The following LAMC1 variants were observed in gnomAD, a reference collection of about 807,000 sequenced individuals.
LAMC1 encodes laminin subunit gamma 1.
In LAMC1, 38 loss-of-function variants were observed where a neutral mutation model predicts 173.6. The observed-to-expected ratio is 0.22, with a 90% CI of 0.17 to 0.29. The LOEUF (loss-of-function observed/expected upper bound fraction) is 0.29, where lower values mean the gene tolerates loss of function less well. LAMC1 is among the 10% of genes least tolerant of loss of function. The pLI is 1.00. For missense variants in LAMC1, 1,824 were observed against 2,051.8 expected (o/e 0.89, Z 2.14); for synonymous variants, 746 against 749.1 (o/e 1.00, Z 0.07).
intron 1 of LAMC1, among the ~76,000 whole-genome samples, chr1:183,041,838 C>T (rs1374426827): frequency 6.6e-6 from 1 of 152,088 alleles, no homozygotes; most frequent in Non-Finnish European, 1.5e-5. Context: ...AGTAGGGGTT[C>T]AAAAAAGTTT....
In LAMC1 at chr1:183,061,543, A is replaced by T. The variant is rs561231450; in HGVS notation, c.418+37409A>T. 1.8e-4 allele frequency among the ~76,000 whole-genome samples: 28 copies of T among 152,268 alleles called. No individual in the cohort carries two copies. The South Asian group carries it at 5.8e-3, about 32-fold the overall frequency. On this transcript the variant is annotated intron_variant, in intron 1 of 27. Coordinates refer to ENST00000258341, the MANE Select transcript of LAMC1 (RefSeq NM_002293.4). Reference sequence around the variant, plus strand: ...TTGATAGTGCTTTTTGGAAAACAACATCTATATCTTTTTTTCTTTTTTAAA... The same window carrying T: ...TTGATAGTGCTTTTTGGAAAACAACTTCTATATCTTTTTTTCTTTTTTAAA...
chr1:183,128,480 AAAAAAG>A, intron 17 of LAMC1, 108 bp from the exon 18 acceptor site: 1 of 751,336 alleles, frequency 1.3e-6, no homozygotes, highest in Non-Finnish European at 2.0e-6. Context: ...TAAAAAAAAA[AAAAAAG>A]AACTACATAT....
At position 183,124,767 on chromosome 1, in the gene LAMC1, G is replaced by C; in HGVS notation, c.2538G>C (p.Thr846=). 6.2e-7 allele frequency: 1 copy of C among 1,614,156 alleles called. No individual in the cohort carries two copies. The highest frequency in any genetic ancestry group is 8.5e-7 in the Non-Finnish European group (1 of 1,180,014). Residue 846 remains threonine, a synonymous_variant, in exon 14 of 28, where the codon ACG becomes ACC. Coordinates refer to ENST00000258341, the MANE Select transcript of LAMC1 (RefSeq NM_002293.4). ...CAGTTGGAAATTGCAATCGCTTGAC[G>C]GGAGAATGCCTGAAGTGCATCTATA... ...PNAVGNCNRL[T]GECLKCIYNT...
chr1:183,063,949 A>G (rs1241813424), intron 1 of LAMC1, among the ~76,000 whole-genome samples: 4 of 152,190 alleles, frequency 2.6e-5, no homozygotes, highest in African/African-American at 9.6e-5. Flanking sequence ...CTGTGTTATG[A>G]TAATTTACTT....
At chr1:183,109,614 C>T (rs1051453804) in intron 3 of LAMC1, among the ~76,000 whole-genome samples, 2 of 152,128 alleles carry the variant, frequency 1.3e-5, no homozygotes, top group African/African-American at 4.8e-5. Flanking sequence ...AGGATAAGAG[C>T]TTGAGAGAAG....
intron 1 of LAMC1, among the ~76,000 whole-genome samples, chr1:183,029,195 T>C (rs1653779767): frequency 1.3e-5 from 2 of 152,232 alleles, no homozygotes; most frequent in South Asian, 2.1e-4. Context: ...CAATCGTTAC[T>C]ATAATCTGTC....
At chr1:183,049,257 A>G (rs1176495854) in intron 1 of LAMC1, among the ~76,000 whole-genome samples, 4 of 152,192 alleles carry the variant, frequency 2.6e-5, no homozygotes, top group Non-Finnish European at 2.9e-5. Context: ...TAGAGAAGAC[A>G]TACAGAAATG....
Position 183,102,910 on chromosome 1 carries a change from T to A in LAMC1, c.419-418T>A, listed in dbSNP as rs191780809. On this transcript the variant is annotated intron_variant, in intron 1 of 27. Transcript: ENST00000258341. ...CAGTTAATAGAGAATGAGGTTTTTTTAAAGTCTTAAAGGGCCTGGAGACCC... is the reference window on the plus strand; with the variant it reads ...CAGTTAATAGAGAATGAGGTTTTTTAAAAGTCTTAAAGGGCCTGGAGACCC... 4.9e-3 allele frequency among the ~76,000 whole-genome samples: 741 copies of A among 152,358 alleles called. 3 individuals carry two copies. The highest frequency in any genetic ancestry group is 0.034 in the East Asian group (177 of 5,186).
chr1:183,092,220 A>C (rs1655583037), intron 1 of LAMC1, among the ~76,000 whole-genome samples: 1 of 152,240 alleles, frequency 6.6e-6, no homozygotes, highest in African/African-American at 2.4e-5. Flanking sequence ...CATGAAAATC[A>C]GAAGAGCTTA....
chr1:183,081,189 G>A (rs1353626462), intron 1 of LAMC1, among the ~76,000 whole-genome samples: 1 of 152,114 alleles, frequency 6.6e-6, no homozygotes, highest in South Asian at 2.1e-4. Context: ...CGCCCGGCCT[G>A]TTCTCAGGTT....
At chr1:183,115,476 A>T in intron 5 of LAMC1, 44 bp from the exon 6 acceptor site, 2 of 1,301,804 alleles carry the variant, frequency 1.5e-6, no homozygotes, top group African/African-American at 1.5e-5. Context: ...TTACTTACGT[A>T]TCTGGCCGAA....
intron 1 of LAMC1, among the ~76,000 whole-genome samples, chr1:183,026,460 A>G (rs1653689889): frequency 6.6e-6 from 1 of 152,114 alleles, no homozygotes; most frequent in South Asian, 2.1e-4. Flanking sequence ...TCGATCAACA[A>G]TTTATGACAA....
intron 1 of LAMC1, chr1:183,096,521 A>G (rs1011814679): frequency 1.9e-4 from 29 of 152,228 alleles, no homozygotes; most frequent in Admixed American, 1.6e-3. Flanking sequence ...GTTATTAACA[A>G]TGGCCCAAGT....
chr1:183,039,145 G>T (rs1435264211), intron 1 of LAMC1, among the ~76,000 whole-genome samples: 2 of 151,662 alleles, frequency 1.3e-5, no homozygotes, highest in Non-Finnish European at 2.9e-5. Context: ...TAAGTTTAAA[G>T]AATTTTTTCT....
At chr1:183,058,276 A>G (rs539436980) in intron 1 of LAMC1, among the ~76,000 whole-genome samples, 2 of 152,314 alleles carry the variant, frequency 1.3e-5, no homozygotes, top group African/African-American at 2.4e-5. Context: ...TACCTGTAAC[A>G]TAAGGATATT....
intron 1 of LAMC1, among the ~76,000 whole-genome samples, chr1:183,086,832 T>G (rs983387122): frequency 6.6e-6 from 1 of 152,232 alleles, no homozygotes; most frequent in African/African-American, 2.4e-5. Flanking sequence ...GTCCTTCATC[T>G]TTGCAAAATC....
chr1:183,058,291 G>A (rs576213240), intron 1 of LAMC1, among the ~76,000 whole-genome samples: 1 of 152,234 alleles, frequency 6.6e-6, no homozygotes, highest in East Asian at 1.9e-4. Context: ...GATATTGAGG[G>A]TGACTGAATT....
intron 1 of LAMC1, among the ~76,000 whole-genome samples, chr1:183,093,894 T>C (rs1177095955): frequency 6.6e-6 from 1 of 152,192 alleles, no homozygotes; most frequent in African/African-American, 2.4e-5. Flanking sequence ...GCAAAACTCA[T>C]CTAACTCATC....
Position 183,131,308 on chromosome 1 carries a change from C to G in LAMC1, c.3496C>G (p.Gln1166Glu), listed in dbSNP as rs1421905053. Residue 1166 changes from glutamine to glutamate, a missense_variant, in exon 20 of 28, where the codon CAG (glutamine) becomes GAG (glutamate). By Grantham distance (29) the Gln-to-Glu change is conservative. Transcript: ENST00000258341. Reference sequence around the variant, plus strand: ...TTTATTTCCTGTGCAGTCAGTCACTCAGCCAGAATCTACAGGGGACCCAAA... The same window carrying G: ...TTTATTTCCTGTGCAGTCAGTCACTGAGCCAGAATCTACAGGGGACCCAAA... ...KVAAANVSVT[Q>E]PESTGDPNNM... 5.6e-6 allele frequency: 9 copies of G among 1,613,120 alleles called. No homozygotes were observed. Among genetic ancestry groups the G allele is most frequent in the Non-Finnish European group, 6.8e-6 (8 of 1,179,184 alleles).
Sources: gnomAD v4.1 joint callset for allele counts (sites outside exome capture counted in the v4.1 genomes callset) on GRCh38, gnomAD v4.1.1 for gene constraint, MANE v1.5 for transcripts, NCBI Gene and HGNC (gene_info 2026-07-23, HGNC 2026-07-21) for gene names.